Variants in AGGF1 observed in about 807,000 individuals in gnomAD.
AGGF1 encodes the protein angiogenic factor with G patch and FHA domains 1.
In AGGF1, 56 loss-of-function variants were observed where a neutral mutation model predicts 86.5. The ratio of observed to expected loss-of-function variants is 0.65; its 90% CI spans 0.52 to 0.81. AGGF1 has a LOEUF of 0.81. Ranked by LOEUF, AGGF1 falls within the 30% of genes least tolerant of loss-of-function variation. The pLI is 0.00. For synonymous variants in AGGF1, 313 were observed against 297.1 expected (o/e 1.05, Z -0.55); for missense variants, 816 against 850.9 (o/e 0.96, Z 0.51).
intron 1 of AGGF1, among the ~76,000 whole-genome samples, chr5:77,032,563 C>CAAAAAA (rs4025997): frequency 1.1e-5 from 1 of 94,196 alleles, no homozygotes; most frequent in Non-Finnish European, 2.0e-5. Flanking sequence ...GACTCCGTCT[C>CAAAAAA]AAAAAAAAAA....
At chr5:77,050,148 C>G (rs1425174009) in intron 8 of AGGF1, among the ~76,000 whole-genome samples, 1 of 151,742 alleles carries the variant, frequency 6.6e-6, no homozygotes, top group Non-Finnish European at 1.5e-5. Flanking sequence ...GATTATGTTG[C>G]TTTTTTACTT....
intron 8 of AGGF1, among the ~76,000 whole-genome samples, chr5:77,052,406 T>C (rs1308792198): frequency 1.3e-5 from 2 of 152,014 alleles, no homozygotes; most frequent in Non-Finnish European, 2.9e-5. Context: ...TTTAATGATA[T>C]GTACAAATAC....
rs1747516122 is a variant in AGGF1, at chr5:77,059,513, A to G, written c.1717-103A>G. The stretch of plus-strand genomic sequence containing the variant: ...CATAGCTTGTTTTATTTCATTGTTT[A>G]TAGAGGCCACATTGAATCATATTCG... On this transcript the variant is annotated intron_variant, in intron 11 of 13. Transcript: ENST00000312916. 8 of 1,045,268 alleles carry G rather than the reference A, an allele frequency of 7.7e-6. No homozygotes were observed. The South Asian group carries it at 1.1e-4, about 14-fold the overall frequency. 64.7% of individuals were successfully genotyped at this position (1,045,268 alleles called of 1,614,324 possible). A position where few individuals can be genotyped will look rare whatever the true frequency, so the allele number is the denominator to read the frequency against.
In AGGF1 at chr5:77,030,772, C is replaced by T. The variant is rs774327925; in HGVS notation, c.6C>T (p.Ala2=). The part of the protein sequence containing the change: M[A]SEAPSPPRSP... ...GCAGTCTCGCGCCGGAGCTCATGGC[C>T]TCGGAGGCGCCGTCCCCGCCGCGGT... The change falls in exon 1 of 14, where the codon GCC becomes GCT. Residue 2 remains alanine, a synonymous_variant. Transcript: ENST00000312916. 1.1e-5 allele frequency: 17 copies of T among 1,573,832 alleles called. No individual in the cohort carries two copies. The Admixed American group carries it at 2.4e-4, about 22-fold the overall frequency.
At chr5:77,045,202 A>G (rs990519282) in intron 5 of AGGF1, among the ~76,000 whole-genome samples, 3 of 152,254 alleles carry the variant, frequency 2.0e-5, no homozygotes, top group South Asian at 2.1e-4. Flanking sequence ...AGGGAAAAAA[A>G]TGGAAAATAA....
At chr5:77,034,096 G>A (rs1746919433) in intron 1 of AGGF1, among the ~76,000 whole-genome samples, 1 of 152,120 alleles carries the variant, frequency 6.6e-6, no homozygotes, top group African/African-American at 2.4e-5. Flanking sequence ...TGTAAATTTT[G>A]AATTTTTGAA....
At chr5:77,055,993 C>T (rs937621039) in intron 11 of AGGF1, among the ~76,000 whole-genome samples, 6 of 151,996 alleles carry the variant, frequency 3.9e-5, no homozygotes, top group African/African-American at 1.2e-4. Context: ...GGCAATATAG[C>T]GAGATCTTAT....
At chr5:77,042,857 G>A (rs1459620370) in intron 5 of AGGF1, among the ~76,000 whole-genome samples, 1 of 61,846 alleles carries the variant, frequency 1.6e-5, no homozygotes, top group East Asian at 4.7e-4. Flanking sequence ...GCCGGGCGGG[G>A]GGCCGACACC....
intron 5 of AGGF1, among the ~76,000 whole-genome samples, chr5:77,041,323 T>C (rs1317379071): frequency 1.3e-5 from 2 of 152,056 alleles, no homozygotes; most frequent in Non-Finnish European, 1.5e-5. Context: ...TCCCAGCAAT[T>C]TGGGAGGCCG....
intron 6 of AGGF1, 22 bp downstream of exon 6, chr5:77,046,699 A>G (rs1352321859): frequency 6.2e-7 from 1 of 1,603,380 alleles, no homozygotes; most frequent in Non-Finnish European, 8.5e-7. Flanking sequence ...ATCATTATTT[A>G]AGTAAATAGC....
Position 77,030,795 on chromosome 5 carries a change from G to C in AGGF1, c.29G>C (p.Arg10Pro), listed in dbSNP as rs753113687. 3.8e-6 allele frequency: 6 copies of C among 1,593,442 alleles called. No homozygotes were observed. In the Admixed American group the frequency reaches 5.2e-5, roughly 14 times the overall value. The change falls in exon 1 of 14, where the codon CGG (arginine) becomes CCG (proline). Residue 10 changes from arginine to proline, a missense_variant. Coordinates refer to ENST00000312916, the MANE Select transcript of AGGF1 (RefSeq NM_018046.5). ...GCCTCGGAGGCGCCGTCCCCGCCGC[G>C]GTCGCCGCCGCCGCCCACCTCCCCC... is the stretch of plus-strand genomic sequence containing the variant. MASEAPSPPRSPPPPTSPEP... is the reference protein window; with the variant it reads MASEAPSPPPSPPPPTSPEP...
rs1747613146 is a variant in AGGF1 at position 77,063,800 on chromosome 5, T to C, written c.*548T>C. The C allele has an allele frequency of 6.3e-6, 1 of 158,754 alleles. No individual in the cohort carries two copies. Among genetic ancestry groups the C allele is most frequent in the Non-Finnish European group, 1.4e-5 (1 of 71,956 alleles). The allele number at this position is 158,754 out of a possible 1,614,324, so 9.8% of individuals were successfully genotyped here. ...GAACTAATGAACAGGTAACATATTG[T>C]AGAAAATTAGTCTTTCATTGTTTTC... On this transcript the variant is annotated 3_prime_UTR_variant, in exon 14 of 14. Transcript: ENST00000312916.
chr5:77,048,102 C>T, intron 6 of AGGF1, 59 bp from the exon 7 acceptor site: 4 of 1,100,572 alleles, frequency 3.6e-6, no homozygotes, highest in Non-Finnish European at 5.6e-6. Flanking sequence ...CTAGTTATCC[C>T]TATGAAGTTC....
chr5:77,045,767 C>T lies in AGGF1; in HGVS notation c.871-580C>T, dbSNP rs79139748. Among the ~76,000 whole-genome samples the T allele has an allele frequency of 2.0e-5, 3 of 152,338 alleles. No homozygotes were observed. The East Asian group carries it at 5.8e-4, about 29-fold the overall frequency. ...TTAGAATAGGTATTCTTTAGGCCTG[C>T]ACTATCCAGTAAGGTAGCCAGCAGC... is the stretch of plus-strand genomic sequence containing the variant. On this transcript the variant is annotated intron_variant, in intron 5 of 13. Coordinates refer to ENST00000312916, the MANE Select transcript of AGGF1 (RefSeq NM_018046.5).
intron 11 of AGGF1, 140 bp from the exon 12 acceptor site, chr5:77,059,476 A>AT (rs1390562010): frequency 1.4e-5 from 11 of 804,582 alleles, no homozygotes; most frequent in Non-Finnish European, 2.2e-5. Flanking sequence ...GCCACCTGTA[A>AT]TTTCTTCATA....
At chr5:77,031,445 T>A (rs1746851474) in intron 1 of AGGF1, among the ~76,000 whole-genome samples, 1 of 152,236 alleles carries the variant, frequency 6.6e-6, no homozygotes, top group African/African-American at 2.4e-5. Flanking sequence ...TTTTGAATGC[T>A]ATACCTGTTT....
chr5:77,046,468 C>T lies in AGGF1; in HGVS notation c.992C>T (p.Pro331Leu), dbSNP rs1427678400. ...KIGIHHKNSP[P>L]KVTVPTSGNT... is the part of the protein sequence containing the mutation. ...GGCATTCATCACAAAAATAGTCCCC[C>T]CAAAGTCACTGTTCCAACTAGTGGA... The change falls in exon 6 of 14, where the codon CCC becomes CTC. Residue 331 changes from proline (P) to leucine (L), a missense_variant. By Grantham distance (98) the Pro-to-Leu change is moderately conservative. This residue lies in a region of AGGF1 where 565 missense variants were observed against 585.8 expected (regional missense o/e 0.96). Transcript: ENST00000312916. 1.2e-6 allele frequency: 2 copies of T among 1,613,896 alleles called. No homozygotes were observed. Among genetic ancestry groups the T allele is most frequent in the Non-Finnish European group, 1.7e-6 (2 of 1,179,978 alleles).
At chr5:77,032,788 A>T (rs1035550043) in intron 1 of AGGF1, among the ~76,000 whole-genome samples, 4 of 152,132 alleles carry the variant, frequency 2.6e-5, no homozygotes, top group Admixed American at 6.5e-5. Context: ...TTGTGAACAG[A>T]TCCTTTATTT....
At chr5:77,043,559 A>T (rs1470316199) in intron 5 of AGGF1, among the ~76,000 whole-genome samples, 1 of 123,998 alleles carries the variant, frequency 8.1e-6, no homozygotes, top group African/African-American at 3.1e-5. Flanking sequence ...TCCCTCCCGG[A>T]CGGCACGGCT....
Sources: gnomAD v4.1 joint callset for allele counts (sites outside exome capture counted in the v4.1 genomes callset) on GRCh38, gnomAD v4.1.1 for gene constraint, gnomAD v4.1.1 regional missense constraint, MANE v1.5 for transcripts, NCBI Gene and HGNC (gene_info 2026-07-23, HGNC 2026-07-21) for gene names.